The following FILIP1 variants were observed in gnomAD, a reference collection of about 807,000 sequenced individuals.
FILIP1 encodes the protein filamin A interacting protein 1.
Under a neutral mutation model 102.1 loss-of-function variants are expected in FILIP1, and 61 were observed. That is an observed-to-expected ratio of 0.60 (90% CI 0.49 to 0.74). The LOEUF is 0.74. Ranked by LOEUF, FILIP1 falls within the 30% of genes least tolerant of loss-of-function variation. FILIP1 has a pLI of 0.00. For missense variants in FILIP1, 1,314 were observed against 1,441.2 expected, an observed-to-expected ratio of 0.91 and a Z score of 1.43; for synonymous variants, 491 against 526.9, an observed-to-expected ratio of 0.93 and a Z score of 0.93.
At chr6:75,415,537 A>G (rs1582471155) in intron 1 of FILIP1, among the ~76,000 whole-genome samples, 1 of 148,324 alleles carries the variant, frequency 6.7e-6, no homozygotes, top group Non-Finnish European at 1.5e-5. Context: ...AGTGTGGAAA[A>G]AAAAAAAAAA....
rs765238408 is a variant in FILIP1, at chr6:75,312,591, TC to T, written c.3240del (p.Thr1081LeufsTer15). 6.2e-7 allele frequency: 1 copy of T among 1,614,210 alleles called. No individual in the cohort carries two copies. Among genetic ancestry groups the T allele is most frequent in the Non-Finnish European group, 8.5e-7 (1 of 1,180,036 alleles). On this transcript the variant is annotated frameshift_variant, in exon 5 of 6. Coordinates refer to ENST00000237172, the MANE Select transcript of FILIP1 (RefSeq NM_015687.5). LOFTEE classifies it high-confidence loss of function. ...HLGSQFKRSP[G>X]TSGEGVSPVI... ...ACTGGACTGACTCCTTCACCTGAAG[TC>T]CCAGGGGACCGTTTAAACTGAGACC...
intron 2 of FILIP1, among the ~76,000 whole-genome samples, chr6:75,382,921 A>C (rs1197552242): frequency 6.6e-6 from 1 of 152,208 alleles, no homozygotes; most frequent in Non-Finnish European, 1.5e-5. Flanking sequence ...CTAAAACATA[A>C]AATATATTTA....
At chr6:75,368,757 T>C (rs1775421366) in intron 2 of FILIP1, among the ~76,000 whole-genome samples, 1 of 152,180 alleles carries the variant, frequency 6.6e-6, no homozygotes, top group Non-Finnish European at 1.5e-5. Context: ...AATATGAGAC[T>C]GGAGTAATAA....
At chr6:75,420,192 T>C (rs1777408362) in intron 1 of FILIP1, among the ~76,000 whole-genome samples, 1 of 152,008 alleles carries the variant, frequency 6.6e-6, no homozygotes, top group South Asian at 2.1e-4. Context: ...TAGAAAAATA[T>C]TATTCTACTC....
At chr6:75,339,061 T>G (rs1030779207) in intron 4 of FILIP1, among the ~76,000 whole-genome samples, 12 of 152,222 alleles carry the variant, frequency 7.9e-5, no homozygotes, top group Non-Finnish European at 1.8e-4. Flanking sequence ...TACAGTTGCC[T>G]GGATTACAAG....
chr6:75,379,297 T>C (rs1038638020), intron 2 of FILIP1, among the ~76,000 whole-genome samples: 3 of 152,182 alleles, frequency 2.0e-5, no homozygotes, highest in African/African-American at 7.2e-5. Flanking sequence ...GAAATACATA[T>C]TACAAGGAAT....
chr6:75,364,433 C>G (rs1482290113), intron 2 of FILIP1, among the ~76,000 whole-genome samples: 1 of 152,184 alleles, frequency 6.6e-6, no homozygotes, highest in Admixed American at 6.5e-5. Flanking sequence ...CCCCATTCAT[C>G]CTCTCTGCCA....
chr6:75,486,483 ATAC>A (rs1344449755), intron 1 of FILIP1, among the ~76,000 whole-genome samples: 1 of 152,116 alleles, frequency 6.6e-6, no homozygotes, highest in Non-Finnish European at 1.5e-5. Context: ...GAATCTTTTA[ATAC>A]TATAGGGGCA....
intron 1 of FILIP1, among the ~76,000 whole-genome samples, chr6:75,441,600 G>C (rs372178738): frequency 1.3e-5 from 2 of 149,158 alleles, no homozygotes; most frequent in African/African-American, 2.5e-5. Context: ...GCGGCTGGCC[G>C]GGCAGGGGGC....
chr6:75,362,631 G>A (rs1290188348), intron 3 of FILIP1, 113 bp downstream of exon 3: 3 of 871,518 alleles, frequency 3.4e-6, no homozygotes, highest in African/African-American at 1.7e-5. Context: ...GTATATTAGT[G>A]TATCATCAAA....
intron 4 of FILIP1, among the ~76,000 whole-genome samples, chr6:75,331,270 T>G (rs910679753): frequency 2.8e-4 from 42 of 152,204 alleles, no homozygotes; most frequent in African/African-American, 1.0e-3. Flanking sequence ...TTTGCTCATA[T>G]GAGCCACAGA....
intron 1 of FILIP1, among the ~76,000 whole-genome samples, chr6:75,453,095 A>C (rs558337430): frequency 6.6e-6 from 1 of 152,194 alleles, no homozygotes; most frequent in African/African-American, 2.4e-5. Flanking sequence ...AGGTTAGTAC[A>C]TCTTGGATTA....
intron 2 of FILIP1, among the ~76,000 whole-genome samples, chr6:75,375,275 A>G (rs1470713850): frequency 6.6e-6 from 1 of 152,232 alleles, no homozygotes; most frequent in Non-Finnish European, 1.5e-5. Flanking sequence ...AAGGTGGGGA[A>G]GAGTAGCCCT....
At chr6:75,442,465 T>G (rs576863801) in intron 1 of FILIP1, among the ~76,000 whole-genome samples, 1 of 151,948 alleles carries the variant, frequency 6.6e-6, no homozygotes, top group African/African-American at 2.4e-5. Flanking sequence ...CTGGGCACCA[T>G]TGAGCACTGA....
intron 2 of FILIP1, among the ~76,000 whole-genome samples, chr6:75,407,125 T>C (rs898240362): frequency 6.6e-6 from 1 of 152,210 alleles, no homozygotes; most frequent in Non-Finnish European, 1.5e-5. Context: ...GCAATATTTT[T>C]AAAAATGGCT....
chr6:75,476,910 C>T (rs1032334374), intron 1 of FILIP1, among the ~76,000 whole-genome samples: 6 of 152,212 alleles, frequency 3.9e-5, no homozygotes, highest in Admixed American at 1.3e-4. Flanking sequence ...GTTCTTGGAA[C>T]TCTGTTCTGT....
In FILIP1 at chr6:75,337,547, T is replaced by C. The variant is rs561478690; in HGVS notation, c.629+15992A>G. On this transcript the variant is annotated intron_variant, in intron 4 of 5. Transcript: ENST00000237172. ...AATATGCTTTCATCTCACAAAACTT[T>C]TTTTTTTTTTTGTAGCAGAGCAGGG... Among the ~76,000 whole-genome samples the C allele has an allele frequency of 2.0e-5, 3 of 151,874 alleles. No individual in the cohort carries two copies. The East Asian group carries it at 5.8e-4, about 29-fold the overall frequency.
rs762079751 is a variant in FILIP1, at chr6:75,315,099, A to T, written c.733T>A (p.Ser245Thr). The T allele has an allele frequency of 6.2e-7, 1 of 1,613,200 alleles. No homozygotes were observed. Among genetic ancestry groups the T allele is most frequent in the East Asian group, 2.2e-5 (1 of 44,876 alleles). Residue 245 changes from serine (S) to threonine (T), a missense_variant, in exon 5 of 6, where the codon TCC (serine) becomes ACC (threonine). By Grantham distance (58) the Ser-to-Thr change is moderately conservative (BLOSUM62 1). Around this residue, in one of 3 missense-constraint regions of FILIP1, gnomAD observed 494 missense variants for 511.2 expected, o/e 0.97. Transcript: ENST00000237172. Reference protein sequence around the residue: ...KLRDELVKLKSFALMLVDERQ... With the variant: ...KLRDELVKLKTFALMLVDERQ... ...TCATCCACCAGCATGAGTGCAAAGG[A>T]TTTGAGTTTAACAAGCTCATCTCTT... is the stretch of plus-strand genomic sequence containing the variant.
chr6:75,335,477 T>A (rs1362744079), intron 4 of FILIP1, among the ~76,000 whole-genome samples: 1 of 146,288 alleles, frequency 6.8e-6, no homozygotes, highest in Non-Finnish European at 1.5e-5. Flanking sequence ...CTTTTCTTTT[T>A]TTCCCATTGT....
Sources: allele counts gnomAD v4.1 joint callset (sites outside exome capture counted in the v4.1 genomes callset), GRCh38; gene constraint gnomAD v4.1.1; regional missense constraint gnomAD v4.1.1; transcripts MANE v1.5; gene names NCBI Gene and HGNC (gene_info 2026-07-23, HGNC 2026-07-21).